Variants in SCARB2 observed in about 807,000 individuals in gnomAD.
SCARB2 encodes lysosome membrane protein 2.
SCARB2 carries 29 observed loss-of-function variants against 58.6 expected under a neutral mutation model. The ratio of observed to expected loss-of-function variants is 0.49; its 90% CI spans 0.37 to 0.67. The LOEUF is 0.67. SCARB2 is among the 30% of genes least tolerant of loss of function. The probability of loss-of-function intolerance (pLI) is 0.00; values close to 1 mark genes in which losing one functional copy is unlikely to be tolerated. For missense variants in SCARB2, 488 were observed against 578.5 expected, an observed-to-expected ratio of 0.84 and a Z score of 1.60; for synonymous variants, 195 against 210.1, an observed-to-expected ratio of 0.93 and a Z score of 0.62.
intron 2 of SCARB2, among the ~76,000 whole-genome samples, chr4:76,182,751 G>A (rs1462107256): frequency 1.3e-5 from 2 of 152,194 alleles, no homozygotes; most frequent in Non-Finnish European, 2.9e-5. Context: ...GCAAGCTGAA[G>A]GCTGAAACTG....
chr4:76,201,846 T>C (rs1001572973), intron 1 of SCARB2, among the ~76,000 whole-genome samples: 5 of 152,364 alleles, frequency 3.3e-5, no homozygotes, highest in East Asian at 1.9e-4. Flanking sequence ...TCCTTTTTCA[T>C]AGCAAGTATA....
At chr4:76,161,971 C>G in intron 11 of SCARB2, 1 of 612,714 alleles carries the variant, frequency 1.6e-6, no homozygotes, top group South Asian at 1.9e-5. Flanking sequence ...ACCCTCAATA[C>G]CAGAGCAGTA....
chr4:76,183,043 A>G (rs1732417159), intron 2 of SCARB2, among the ~76,000 whole-genome samples: 1 of 152,212 alleles, frequency 6.6e-6, no homozygotes, highest in Admixed American at 6.5e-5. Context: ...TCCCTTCTAG[A>G]CTTTAAAATA....
chr4:76,190,211 T>C (rs1207682038), intron 2 of SCARB2, among the ~76,000 whole-genome samples: 2 of 152,040 alleles, frequency 1.3e-5, no homozygotes, highest in East Asian at 1.9e-4. Context: ...AGTTTTGCTA[T>C]GTTGCCCAGC....
At chr4:76,194,340 G>A (rs557577747) in intron 2 of SCARB2, 28 of 152,198 alleles carry the variant, frequency 1.8e-4, no homozygotes, top group Non-Finnish European at 3.5e-4. Context: ...CTAATTATGT[G>A]CTAGGCACTA....
chr4:76,173,619 T>C (rs2109941248), intron 7 of SCARB2: 1 of 162,502 alleles, frequency 6.2e-6, no homozygotes, highest in South Asian at 1.6e-4. Flanking sequence ...AATACAAGCA[T>C]GAGCCACCGT....
chr4:76,205,169 A>G (rs1167877728), intron 1 of SCARB2, among the ~76,000 whole-genome samples: 1 of 152,040 alleles, frequency 6.6e-6, no homozygotes, highest in African/African-American at 2.4e-5. Flanking sequence ...CTACAAAAAA[A>G]TATTTAAAAA....
intron 1 of SCARB2, among the ~76,000 whole-genome samples, chr4:76,232,346 A>G (rs539017661): frequency 2.7e-4 from 41 of 152,318 alleles, no homozygotes; most frequent in African/African-American, 9.6e-4. Flanking sequence ...CAATGTCACA[A>G]TCTCCAAAGT....
At chr4:76,218,957 C>G (rs572532321) in intron 1 of SCARB2, among the ~76,000 whole-genome samples, 2 of 152,248 alleles carry the variant, frequency 1.3e-5, no homozygotes, top group East Asian at 3.9e-4. Context: ...TGTAGACATT[C>G]TATTTTAAGG....
chr4:76,230,306 T>C (rs1733471025), intron 1 of SCARB2, among the ~76,000 whole-genome samples: 3 of 152,098 alleles, frequency 2.0e-5, no homozygotes, highest in African/African-American at 7.2e-5. Flanking sequence ...GGAAAGCCAG[T>C]AACAATAGGC....
chr4:76,169,322 A>T (rs1489356730), intron 8 of SCARB2, among the ~76,000 whole-genome samples: 1 of 139,232 alleles, frequency 7.2e-6, no homozygotes, highest in Non-Finnish European at 1.5e-5. Flanking sequence ...TATTATACAC[A>T]CACACACACA....
chr4:76,210,470 G>T (rs541924905), intron 1 of SCARB2, among the ~76,000 whole-genome samples: 2 of 152,210 alleles, frequency 1.3e-5, no homozygotes, highest in African/African-American at 4.8e-5. Context: ...GAAATGTAAC[G>T]TAAACTCCTG....
chr4:76,168,547 C>G, intron 8 of SCARB2, 71 bp from the exon 9 acceptor site: 2 of 1,292,536 alleles, frequency 1.5e-6, no homozygotes, highest in Non-Finnish European at 2.2e-6. Flanking sequence ...CAATAGAGCA[C>G]CATTTCTGTG....
chr4:76,203,252 G>T (rs761966623), intron 1 of SCARB2, among the ~76,000 whole-genome samples: 8 of 152,282 alleles, frequency 5.3e-5, no homozygotes, highest in Non-Finnish European at 1.2e-4. Context: ...TGGGACTACA[G>T]GCATGAGGCA....
intron 1 of SCARB2, among the ~76,000 whole-genome samples, chr4:76,199,093 T>C (rs748713004): frequency 1.3e-5 from 2 of 152,228 alleles, no homozygotes; most frequent in Non-Finnish European, 2.9e-5. Context: ...AGGGGCTTTA[T>C]AATGTACCTT....
Position 76,161,784 on chromosome 4 carries a change from G to A in SCARB2, c.1399-33C>T, listed in dbSNP as rs1245911476. 1.4e-5 allele frequency: 22 copies of A among 1,612,368 alleles called. No homozygotes were observed. The Admixed American group carries it at 3.7e-4, about 27-fold the overall frequency. On this transcript the variant is annotated intron_variant, in intron 11 of 11. Transcript: ENST00000264896. ...ACAGAAGAGAGAAAACAAGTTAGAT[G>A]TTCATGTCAGAAACTTCTCCCCAGT...
rs372226714 is a variant in SCARB2 at position 76,163,283 on chromosome 4, A to G, written c.1340T>C (p.Val447Ala). The change falls in exon 11 of 12, where the codon GTG becomes GCG. Residue 447 changes from valine to alanine, a missense_variant. Val to Ala is a moderately conservative substitution (Grantham distance 64, BLOSUM62 0). Transcript: ENST00000264896. ...NIPYIIMALGVFFGLVFTWLA... is the reference protein window; with the variant it reads ...NIPYIIMALGAFFGLVFTWLA... ...CCAGGTAAAAACCAAACCAAAGAAC[A>G]CACCCAGCGCCATGATGATGTAGGG... is the stretch of plus-strand genomic sequence containing the variant. The G allele has an allele frequency of 6.2e-7, 1 of 1,614,194 alleles. No individual in the cohort carries two copies. The highest frequency in any genetic ancestry group is 1.1e-5 in the South Asian group (1 of 91,076).
At chr4:76,222,494 C>T (rs895661904) in intron 1 of SCARB2, among the ~76,000 whole-genome samples, 20 of 152,220 alleles carry the variant, frequency 1.3e-4, no homozygotes, top group Admixed American at 1.1e-3. Context: ...TTCCAAAGTG[C>T]TGGGATTACA....
In SCARB2 at chr4:76,179,587, T is replaced by G; in HGVS notation, c.542A>C (p.Lys181Thr). 1.2e-6 allele frequency: 2 copies of G among 1,614,224 alleles called. No homozygotes were observed. The highest frequency in any genetic ancestry group is 1.7e-6 in the Non-Finnish European group (2 of 1,180,020). The change falls in exon 4 of 12, where the codon AAA becomes ACA. Residue 181 changes from lysine to threonine, a missense_variant. Transcript: ENST00000264896. ...ATGGATAAGGGACAAGATTTCATCT[T>G]TGTAGCCCCAGAGCAATTCGTCAAC... Reference protein sequence around the residue: ...HTVDELLWGYKDEILSLIHVF... With the variant: ...HTVDELLWGYTDEILSLIHVF...
Sources: allele counts gnomAD v4.1 joint callset (sites outside exome capture counted in the v4.1 genomes callset), GRCh38; gene constraint gnomAD v4.1.1; transcripts MANE v1.5; gene names NCBI Gene and HGNC (gene_info 2026-07-23, HGNC 2026-07-21).